PDE1A: variants seen among roughly 807,000 people sequenced by gnomAD.
The protein encoded by PDE1A is phosphodiesterase 1A.
In PDE1A, 35 loss-of-function variants were observed where a neutral mutation model predicts 61.7. The ratio of observed to expected loss-of-function variants is 0.57; its 90% CI spans 0.43 to 0.75. The LOEUF is 0.75. Ranked by LOEUF, PDE1A falls within the 30% of genes least tolerant of loss-of-function variation. PDE1A has a pLI of 0.00. For synonymous variants in PDE1A, 232 were observed against 213.2 expected (o/e 1.09, Z -0.77); for missense variants, 597 against 630.6 (o/e 0.95, Z 0.57).
chr2:182,559,935 G>C, the PDE1A span, among the ~76,000 whole-genome samples: 3 of 151,980 alleles, frequency 2.0e-5, no homozygotes, highest in African/African-American at 4.8e-5. Context: ...ATTTGTAAGA[G>C]ACAGGATAAG....
chr2:182,319,824 GT>G (rs1298806294), intron 1 of PDE1A, among the ~76,000 whole-genome samples: 1 of 152,172 alleles, frequency 6.6e-6, no homozygotes, highest in African/African-American at 2.4e-5. Context: ...TAATTGGCAT[GT>G]AATGGGATTA....
intron 2 of PDE1A, among the ~76,000 whole-genome samples, chr2:182,456,928 G>A (rs1685962068): frequency 1.3e-5 from 2 of 152,034 alleles, no homozygotes; most frequent in East Asian, 1.9e-4. Flanking sequence ...CTTTTATATT[G>A]CAGGATGGAT....
At chr2:182,251,868 T>C (rs1425592874) in intron 2 of PDE1A, among the ~76,000 whole-genome samples, 2 of 152,200 alleles carry the variant, frequency 1.3e-5, no homozygotes, top group Non-Finnish European at 1.5e-5. Context: ...TGTATGTTAC[T>C]TGACTGAGAA....
the PDE1A span, among the ~76,000 whole-genome samples, chr2:182,638,262 G>A: frequency 1.3e-5 from 2 of 152,184 alleles, no homozygotes; most frequent in Non-Finnish European, 2.9e-5. Context: ...CATACAGTCG[G>A]GTGCAGTGGC....
chr2:182,507,575 G>A lies in PDE1A; in HGVS notation c.101+14701C>T, dbSNP rs891683083. Among the ~76,000 whole-genome samples the A allele has an allele frequency of 1.3e-4, 19 of 151,994 alleles. 1 individual carries two copies. The highest frequency in any genetic ancestry group is 3.4e-4 in the African/African-American group (14 of 41,372). ...TGTCACATTTGGTAAGGGCCCACTG[G>A]CTAAAACAAGGTGTATGGCCAAGAG... On this transcript the variant is annotated intron_variant, in intron 2 of 14. Transcript: ENST00000410103.
exon 13 of PDE1A, chr2:182,185,896 T>C (rs1685159609): frequency 1.2e-6 from 2 of 1,613,820 alleles, no homozygotes; most frequent in African/African-American, 2.7e-5. Flanking sequence ...CACTACCTTG[T>C]GCAGCTAACT....
the PDE1A span, among the ~76,000 whole-genome samples, chr2:182,701,724 T>C: frequency 1.3e-5 from 2 of 152,086 alleles, no homozygotes; most frequent in African/African-American, 4.8e-5. Flanking sequence ...GTACCAGATT[T>C]GTCCCAAACC....
chr2:182,511,218 C>T (rs368561951), intron 2 of PDE1A, among the ~76,000 whole-genome samples: 86 of 151,664 alleles, frequency 5.7e-4, no homozygotes, highest in African/African-American at 1.9e-3. Context: ...CTAGATGTAG[C>T]CAGGAAAACC....
the PDE1A span, among the ~76,000 whole-genome samples, chr2:182,566,242 TA>T: frequency 1.3e-5 from 2 of 152,122 alleles, no homozygotes; most frequent in African/African-American, 4.8e-5. Context: ...AACCTTAGGC[TA>T]AACTTCTCCT....
chr2:182,162,587 G>A (rs1691440474), intron 13 of PDE1A, among the ~76,000 whole-genome samples: 1 of 152,124 alleles, frequency 6.6e-6, no homozygotes, highest in Admixed American at 6.6e-5. Flanking sequence ...AAAGACTCTG[G>A]TGCACTACAT....
the PDE1A span, among the ~76,000 whole-genome samples, chr2:182,689,506 C>A: frequency 9.2e-5 from 14 of 152,072 alleles, no homozygotes; most frequent in African/African-American, 3.1e-4. Flanking sequence ...ACATACCAGA[C>A]TCTCTGGGAC....
At chr2:182,311,067 G>A (rs1695936959) in intron 1 of PDE1A, among the ~76,000 whole-genome samples, 2 of 152,360 alleles carry the variant, frequency 1.3e-5, no homozygotes, top group South Asian at 2.1e-4. Context: ...TCCGTGGGAA[G>A]AATGCCTCCT....
At chr2:182,587,652 A>G in the PDE1A span, among the ~76,000 whole-genome samples, 3 of 152,234 alleles carry the variant, frequency 2.0e-5, no homozygotes, top group African/African-American at 7.2e-5. Context: ...AAAAAATCAA[A>G]TCGATGGCTG....
chr2:182,658,057 A>AC, the PDE1A span, among the ~76,000 whole-genome samples: 4 of 105,684 alleles, frequency 3.8e-5, no homozygotes, highest in East Asian at 2.6e-4. Flanking sequence ...TAAAAAAAAA[A>AC]AAAAAAAAAA....
intron 13 of PDE1A, among the ~76,000 whole-genome samples, chr2:182,155,139 T>C (rs977147812): frequency 5.4e-5 from 8 of 147,138 alleles, no homozygotes; most frequent in Non-Finnish European, 8.9e-5. Flanking sequence ...CAGGCTGGAG[T>C]GCAATGGTGC....
chr2:182,201,423 A>T lies in PDE1A; in HGVS notation c.1125+16T>A, dbSNP rs1686620023. 1 of 1,613,088 alleles carries T rather than the reference A, an allele frequency of 6.2e-7. No homozygotes were observed. ...ACTATTTCCAAAAACATTTGCACAG[A>T]GTGTGAAAGAGGCACCTGCAGGAAA... On this transcript the variant is annotated intron_variant, in intron 10 of 13. Coordinates refer to ENST00000351439, the Ensembl canonical transcript of PDE1A.
intron 1 of PDE1A, among the ~76,000 whole-genome samples, chr2:182,379,106 C>T (rs1283343894): frequency 6.6e-6 from 1 of 152,314 alleles, no homozygotes; most frequent in East Asian, 1.9e-4. Flanking sequence ...GTAAATCCCA[C>T]TGATACCTAC....
At chr2:182,264,478 A>C (rs918870460) in intron 1 of PDE1A, 64 bp from the exon 2 acceptor site, 6 of 1,149,754 alleles carry the variant, frequency 5.2e-6, no homozygotes, top group South Asian at 2.6e-5. Context: ...TATGGAAAAT[A>C]GTACAGTATT....
At chr2:182,559,494 G>T in the PDE1A span, among the ~76,000 whole-genome samples, 2 of 152,118 alleles carry the variant, frequency 1.3e-5, no homozygotes, top group Non-Finnish European at 2.9e-5. Flanking sequence ...GTTGACAAGG[G>T]TATAGAGCAA....
Sources: allele counts gnomAD v4.1 joint callset (sites outside exome capture counted in the v4.1 genomes callset), GRCh38; gene constraint gnomAD v4.1.1; transcripts MANE v1.5; gene names NCBI Gene and HGNC (gene_info 2026-07-23, HGNC 2026-07-21).